Variants in SLC25A42 observed in about 807,000 individuals in gnomAD.
The protein encoded by SLC25A42 is solute carrier family 25 member 42.
Under a neutral mutation model 34.7 loss-of-function variants are expected in SLC25A42, and 19 were observed. The ratio of observed to expected loss-of-function variants is 0.55; its 90% confidence interval spans 0.38 to 0.80. The LOEUF (loss-of-function observed/expected upper bound fraction) is 0.80, where lower values mean the gene tolerates loss of function less well. SLC25A42 is among the 30% of genes least tolerant of loss of function. SLC25A42 has a pLI of 0.00. For missense variants in SLC25A42, 364 were observed against 441.3 expected, an observed-to-expected ratio of 0.82 and a Z score of 1.57; for synonymous variants, 205 against 191.2, an observed-to-expected ratio of 1.07 and a Z score of -0.59.
chr19:19,090,254 T>G (rs2145911700), intron 1 of SLC25A42, among the ~76,000 whole-genome samples: 1 of 152,226 alleles, frequency 6.6e-6, no homozygotes, highest in East Asian at 1.9e-4. Context: ...AGGTGTCTGC[T>G]TGCTCATTAA....
chr19:19,093,955 C>T (rs145080241), intron 1 of SLC25A42, among the ~76,000 whole-genome samples: 2,163 of 152,332 alleles, frequency 0.014, 47 homozygotes, highest in African/African-American at 0.047. Flanking sequence ...GGATTACAGG[C>T]GTGAGCCACT....
At chr19:19,070,138 T>C (rs79307731) in intron 1 of SLC25A42, among the ~76,000 whole-genome samples, 125,685 of 150,830 alleles carry the variant, frequency 0.83, 52,445 homozygotes, top group East Asian at 0.89. Flanking sequence ...GGACTACAGG[T>C]GCCCGCCACC....
intron 1 of SLC25A42, among the ~76,000 whole-genome samples, chr19:19,067,872 G>A (rs1156908968): frequency 6.6e-6 from 1 of 152,080 alleles, no homozygotes; most frequent in Non-Finnish European, 1.5e-5. Flanking sequence ...GGAGGGTGTC[G>A]TCATACTGAA....
chr19:19,088,696 C>T (rs1433773413), intron 1 of SLC25A42, among the ~76,000 whole-genome samples: 9 of 150,322 alleles, frequency 6.0e-5, no homozygotes, highest in Admixed American at 5.3e-4. Context: ...GACAGGGTTT[C>T]ACCATGTTAG....
chr19:19,100,064 G>A (rs1334988610), intron 2 of SLC25A42, among the ~76,000 whole-genome samples: 4 of 151,806 alleles, frequency 2.6e-5, no homozygotes, highest in Admixed American at 6.6e-5. Flanking sequence ...CATTTCGGCC[G>A]GGCGCGGTGT....
chr19:19,088,991 A>G (rs1380431938), intron 1 of SLC25A42, among the ~76,000 whole-genome samples: 2 of 151,452 alleles, frequency 1.3e-5, no homozygotes, highest in East Asian at 2.0e-4. Flanking sequence ...TATTTTTAGT[A>G]GAAACAGTGG....
At chr19:19,078,224 G>A (rs2059664311) in intron 1 of SLC25A42, among the ~76,000 whole-genome samples, 1 of 152,180 alleles carries the variant, frequency 6.6e-6, no homozygotes, top group Admixed American at 6.5e-5. Context: ...CAGAGGTCTG[G>A]AGGTGGGAGA....
intron 1 of SLC25A42, among the ~76,000 whole-genome samples, chr19:19,065,939 C>A (rs2059599839): frequency 6.6e-6 from 1 of 151,748 alleles, no homozygotes; most frequent in South Asian, 2.1e-4. Flanking sequence ...TCACGGCAAC[C>A]TCTGCCTCCT....
intron 1 of SLC25A42, among the ~76,000 whole-genome samples, chr19:19,068,649 CAGG>C (rs2059614212): frequency 1.3e-5 from 2 of 151,976 alleles, no homozygotes; most frequent in Admixed American, 6.6e-5. Context: ...GCCTGGGCAA[CAGG>C]GCAAGACTCT....
chr19:19,099,757 A>T (rs1279979047), intron 2 of SLC25A42, among the ~76,000 whole-genome samples: 1 of 151,442 alleles, frequency 6.6e-6, no homozygotes, highest in East Asian at 2.0e-4. Context: ...ATTTTTTCAG[A>T]CACTCTGTCA....
chr19:19,072,792 C>G (rs775108529), intron 1 of SLC25A42, among the ~76,000 whole-genome samples: 1 of 152,072 alleles, frequency 6.6e-6, no homozygotes, highest in Non-Finnish European at 1.5e-5. Context: ...GATCTTCCCA[C>G]CTCAACCTCC....
At chr19:19,107,667 G>GAA in intron 6 of SLC25A42, among the ~76,000 whole-genome samples, 2 of 152,170 alleles carry the variant, frequency 1.3e-5, no homozygotes, top group African/African-American at 4.8e-5. Context: ...GACAAGGGCT[G>GAA]AGCACTTGCT....
intron 2 of SLC25A42, among the ~76,000 whole-genome samples, chr19:19,097,609 C>T (rs953432640): frequency 1.3e-5 from 2 of 152,172 alleles, no homozygotes; most frequent in Non-Finnish European, 2.9e-5. Context: ...GCTCTTGGTC[C>T]GCCTGGCCAG....
intron 1 of SLC25A42, among the ~76,000 whole-genome samples, chr19:19,078,453 T>C (rs570011308): frequency 3.3e-5 from 5 of 152,250 alleles, no homozygotes; most frequent in African/African-American, 9.6e-5. Context: ...GACAGACCCC[T>C]TTCCCCCACC....
rs2059863423 is a variant in SLC25A42 at position 19,111,244 on chromosome 19, C to T, written c.*368C>T. The T allele has an allele frequency of 3.4e-6, 1 of 293,618 alleles. No individual in the cohort carries two copies. The highest frequency in any genetic ancestry group is 5.0e-5 in the Admixed American group (1 of 20,186). The allele number at this position is 293,618 out of a possible 1,614,324, so 18.2% of individuals were successfully genotyped here. Reference sequence around the variant, plus strand: ...TGATTCTAGTGACCCCTGTCCCCACCAGGCTCAGAGCCAGACCGCGCCTGG... The same window carrying T: ...TGATTCTAGTGACCCCTGTCCCCACTAGGCTCAGAGCCAGACCGCGCCTGG... On this transcript the variant is annotated 3_prime_UTR_variant, in exon 8 of 8. Coordinates refer to ENST00000318596, the MANE Select transcript of SLC25A42 (RefSeq NM_178526.5).
At chr19:19,091,624 C>T (rs1204479416) in intron 1 of SLC25A42, among the ~76,000 whole-genome samples, 1 of 152,124 alleles carries the variant, frequency 6.6e-6, no homozygotes, top group Non-Finnish European at 1.5e-5. Flanking sequence ...CACCTGGAAT[C>T]CCAGCGCTTT....
intron 6 of SLC25A42, 184 bp downstream of exon 6, chr19:19,106,569 T>TG (rs2059829645): frequency 3.9e-6 from 2 of 513,400 alleles, no homozygotes; most frequent in Non-Finnish European, 3.5e-6. Context: ...TCTCTTAGCC[T>TG]GGGGGTCACT....
At chr19:19,088,179 C>G (rs892841720) in intron 1 of SLC25A42, among the ~76,000 whole-genome samples, 3 of 151,518 alleles carry the variant, frequency 2.0e-5, no homozygotes, top group Admixed American at 6.6e-5. Context: ...CCACCCCAGC[C>G]CTGCATATAA....
intron 1 of SLC25A42, among the ~76,000 whole-genome samples, chr19:19,076,766 C>T (rs12985799): frequency 0.78 from 118,685 of 152,130 alleles, 46,781 homozygotes; most frequent in East Asian, 0.89. Context: ...TCCTTGGAAC[C>T]AGATCAAGAC....
Sources: allele counts gnomAD v4.1 joint callset (sites outside exome capture counted in the v4.1 genomes callset), GRCh38; gene constraint gnomAD v4.1.1; transcripts MANE v1.5; gene names NCBI Gene and HGNC (gene_info 2026-07-23, HGNC 2026-07-21).